The following GMCL1 variants were observed in gnomAD, a reference collection of about 807,000 sequenced individuals.
The protein encoded by GMCL1 is germ cell-less 1, spermatogenesis associated, also known as germ cell-less protein-like 1.
Under a neutral mutation model 75.5 loss-of-function variants are expected in GMCL1, and 54 were observed. The observed-to-expected ratio is 0.71, with a 90% CI of 0.57 to 0.90. The LOEUF (loss-of-function observed/expected upper bound fraction) is 0.90. Among genes scored for constraint, GMCL1 ranks in the 40% least tolerant of loss-of-function variants. The pLI, the probability that GMCL1 is intolerant of heterozygous loss-of-function variation, is 0.00. For missense variants in GMCL1, 537 were observed against 622.7 expected (o/e 0.86, Z 1.47); for synonymous variants, 210 against 209.6 (o/e 1.00, Z -0.02).
chr2:69,871,720 T>C (rs761275443), intron 12 of GMCL1, 25 bp from the exon 13 acceptor site: 1 of 1,272,654 alleles, frequency 7.9e-7, no homozygotes, highest in East Asian at 2.4e-5. Context: ...CTTGTGTTTA[T>C]TTTTTATTTT....
chr2:69,848,579 G>A (rs572899779), intron 7 of GMCL1, among the ~76,000 whole-genome samples: 26 of 152,204 alleles, frequency 1.7e-4, no homozygotes, highest in East Asian at 1.9e-4. Flanking sequence ...GTGGTGGTTC[G>A]TGCCTGTAGT....
chr2:69,863,541 G>T (rs867340156), intron 10 of GMCL1, among the ~76,000 whole-genome samples: 13 of 152,258 alleles, frequency 8.5e-5, no homozygotes, highest in African/African-American at 3.1e-4. Context: ...AATATGTCCA[G>T]GGATATTTGA....
chr2:69,850,418 G>A (rs1292981952), intron 8 of GMCL1, among the ~76,000 whole-genome samples: 1 of 152,148 alleles, frequency 6.6e-6, no homozygotes, highest in Non-Finnish European at 1.5e-5. Context: ...TTTTACGGCT[G>A]TCAGGTGCAA....
intron 1 of GMCL1, among the ~76,000 whole-genome samples, chr2:69,834,209 G>C (rs756496947): frequency 2.0e-5 from 3 of 151,926 alleles, no homozygotes; most frequent in Non-Finnish European, 4.4e-5. Context: ...GGGTTTTTCT[G>C]AAAAAACACA....
At chr2:69,870,422 A>G (rs1675951832) in intron 12 of GMCL1, among the ~76,000 whole-genome samples, 2 of 152,182 alleles carry the variant, frequency 1.3e-5, no homozygotes, top group Admixed American at 1.3e-4. Flanking sequence ...AAGAAAACAT[A>G]GGGGAAAAGC....
intron 9 of GMCL1, among the ~76,000 whole-genome samples, chr2:69,858,458 C>T (rs758722319): frequency 6.6e-6 from 1 of 152,186 alleles, no homozygotes; most frequent in South Asian, 2.1e-4. Context: ...CTAACAGTAG[C>T]TCTCTGCCAA....
At chr2:69,831,736 A>G (rs1044468370) in intron 1 of GMCL1, among the ~76,000 whole-genome samples, 6 of 152,078 alleles carry the variant, frequency 3.9e-5, no homozygotes, top group African/African-American at 1.4e-4. Context: ...CCTTCTGTGT[A>G]GCTGAGACCA....
At chr2:69,871,990 T>G (rs1675995490) in intron 13 of GMCL1, among the ~76,000 whole-genome samples, 158 bp downstream of exon 13, 1 of 152,174 alleles carries the variant, frequency 6.6e-6, no homozygotes, top group African/African-American at 2.4e-5. Context: ...CCACATTCAC[T>G]TATGCATAAT....
intron 4 of GMCL1, 101 bp from the exon 5 acceptor site, chr2:69,843,048 T>C (rs1675030654): frequency 2.2e-6 from 1 of 460,412 alleles, no homozygotes; most frequent in African/African-American, 2.6e-5. Flanking sequence ...TTCTTTTCTT[T>C]CTTCTTTTTT....
chr2:69,830,759 AC>A (rs1352327444), intron 1 of GMCL1, among the ~76,000 whole-genome samples: 1 of 126,018 alleles, frequency 7.9e-6, no homozygotes, highest in Non-Finnish European at 1.5e-5. Flanking sequence ...AGCTTGTTTA[AC>A]CCCTTTTTTT....
chr2:69,861,267 T>G lies in GMCL1; in HGVS notation c.1073-11T>G. On this transcript the variant is annotated splice_polypyrimidine_tract_variant and intron_variant, in intron 9 of 13. Coordinates refer to ENST00000282570, the MANE Select transcript of GMCL1 (RefSeq NM_178439.5). ...GTTATTTATTATTATTAATTTATTC[T>G]TACATTTCAGAATGGCTCTCTTCTG... The G allele has an allele frequency of 3.2e-6, 5 of 1,568,634 alleles. No individual in the cohort carries two copies. Among genetic ancestry groups the G allele is most frequent in the Non-Finnish European group, 4.4e-6 (5 of 1,144,618 alleles).
At chr2:69,841,126 CT>C (rs3836157) in intron 4 of GMCL1, 87 bp downstream of exon 4, 379,966 of 768,740 alleles carry the variant, frequency 0.49, 103,242 homozygotes, top group African/African-American at 0.86. Context: ...TAAAGCTTAG[CT>C]TTTTTGGAGT....
intron 9 of GMCL1, among the ~76,000 whole-genome samples, chr2:69,860,417 ATAATT>A (rs1470527131): frequency 1.3e-5 from 2 of 152,094 alleles, no homozygotes; most frequent in African/African-American, 4.8e-5. Context: ...TCTATTTAGA[ATAATT>A]TAAAATATTT....
chr2:69,877,618 C>A (rs1676159775), intron 13 of GMCL1, among the ~76,000 whole-genome samples: 1 of 152,164 alleles, frequency 6.6e-6, no homozygotes, highest in Non-Finnish European at 1.5e-5. Flanking sequence ...CTTGTTAGCA[C>A]AGTCTAGGTG....
At position 69,842,091 on chromosome 2, in the gene GMCL1, A is replaced by G. The variant is rs1317219322; in HGVS notation, c.579+1052A>G. ...CAATGTGACAGATGAATTGAAGGAAAGATGAGTACAGCATTAGAGACAAAA... is the reference window on the plus strand; with the variant it reads ...CAATGTGACAGATGAATTGAAGGAAGGATGAGTACAGCATTAGAGACAAAA... On this transcript the variant is annotated intron_variant, in intron 4 of 13. Transcript: ENST00000282570. Among the ~76,000 whole-genome samples, 3 of 152,244 alleles carry G rather than the reference A, an allele frequency of 2.0e-5. No individual in the cohort carries two copies. The East Asian group carries it at 5.8e-4, about 29-fold the overall frequency.
In GMCL1 at chr2:69,841,031, C is replaced by A; in HGVS notation, c.571C>A (p.Leu191Met). Residue 191 changes from leucine (L) to methionine (M), a missense_variant, in exon 4 of 14, where the codon CTG becomes ATG. Physicochemically the swap from Leu to Met is conservative, Grantham distance 15. Around this residue, in one of 3 missense-constraint regions of GMCL1, gnomAD observed 345 missense variants for 410.5 expected, o/e 0.84. Transcript: ENST00000282570. ...VVAILAAACL[L>M]QLDGLIQQCG... ...TGCCATTTTGGCAGCAGCTTGTTTG[C>A]TGCAGTTGGTAAGTATGCACGTTAT... 6.2e-7 allele frequency: 1 copy of A among 1,612,324 alleles called. No homozygotes were observed. The highest frequency in any genetic ancestry group is 8.5e-7 in the Non-Finnish European group (1 of 1,178,426).
Position 69,864,954 on chromosome 2 carries a change from A to C in GMCL1, c.1197A>C (p.Arg399Ser). 6.2e-7 allele frequency: 1 copy of C among 1,613,422 alleles called. No individual in the cohort carries two copies. The highest frequency in any genetic ancestry group is 8.5e-7 in the Non-Finnish European group (1 of 1,179,402). The change falls in exon 11 of 14, where the codon AGA (arginine) becomes AGC (serine). Residue 399 changes from arginine to serine, a missense_variant. Arg to Ser is a moderately radical substitution (Grantham distance 110, BLOSUM62 -1). Transcript: ENST00000282570. ...ELEGNSMRCG[R>S]KLAKDGEYCW... ...AGGGAAACAGCATGAGGTGTGGTAGAAAGCTTGCCAAAGATGGTGAAGTAA... is the reference window on the plus strand; with the variant it reads ...AGGGAAACAGCATGAGGTGTGGTAGCAAGCTTGCCAAAGATGGTGAAGTAA...
intron 13 of GMCL1, among the ~76,000 whole-genome samples, chr2:69,874,101 T>G (rs1676058535): frequency 6.6e-6 from 1 of 152,170 alleles, no homozygotes; most frequent in South Asian, 2.1e-4. Flanking sequence ...TTTCTCATTT[T>G]TTTTCATTAC....
intron 1 of GMCL1, among the ~76,000 whole-genome samples, chr2:69,830,715 C>A (rs925214682): frequency 2.7e-5 from 4 of 147,928 alleles, no homozygotes; most frequent in African/African-American, 1.0e-4. Flanking sequence ...AGTCGTTGAC[C>A]GTGGATGTAC....
Sources: gnomAD v4.1 joint callset for allele counts (sites outside exome capture counted in the v4.1 genomes callset) on GRCh38, gnomAD v4.1.1 for gene constraint, gnomAD v4.1.1 regional missense constraint, MANE v1.5 for transcripts, NCBI Gene and HGNC (gene_info 2026-07-23, HGNC 2026-07-21) for gene names.